Variants in ZNF778 observed in about 807,000 individuals in gnomAD.
The protein encoded by ZNF778 is zinc finger protein 778.
A neutral mutation model predicts 23.9 loss-of-function variants in ZNF778; 37 were observed. The observed-to-expected ratio is 1.54, with a 90% CI of 1.19 to 2.03. ZNF778 has a LOEUF of 2.03. ZNF778 is among the 30% of genes most tolerant of loss of function. The probability of loss-of-function intolerance (pLI) is 0.00; values close to 1 mark genes in which losing one functional copy is unlikely to be tolerated. For missense variants in ZNF778, 1,297 were observed against 934.4 expected, an observed-to-expected ratio of 1.39 and a Z score of -5.06; for synonymous variants, 483 against 343.9, an observed-to-expected ratio of 1.40 and a Z score of -4.48.
At chr16:89,223,553 C>T (rs908718702) in intron 4 of ZNF778, among the ~76,000 whole-genome samples, 1 of 152,192 alleles carries the variant, frequency 6.6e-6, no homozygotes, top group Admixed American at 6.5e-5. Context: ...CCTGTCATCT[C>T]TCCTGTAACA....
intron 6 of ZNF778, among the ~76,000 whole-genome samples, chr16:89,226,169 C>G (rs925429929): frequency 4.6e-5 from 7 of 151,984 alleles, no homozygotes; most frequent in Non-Finnish European, 8.8e-5. Context: ...CTCAGCCTCC[C>G]AAAGTACTGG....
chr16:89,224,914 A>C, intron 5 of ZNF778, 112 bp downstream of exon 5: 1 of 757,886 alleles, frequency 1.3e-6, no homozygotes, highest in Non-Finnish European at 2.2e-6. Context: ...CGGCTGTGGG[A>C]GGATCCTGAG....
At position 89,224,603 on chromosome 16, in the gene ZNF778, C is replaced by G. The variant is rs543006751; in HGVS notation, c.245-116C>G. On this transcript the variant is annotated intron_variant, in intron 4 of 6. Coordinates refer to ENST00000433976, the MANE Select transcript of ZNF778 (RefSeq NM_001201407.2). ...CACTGCACTCCAGCCTGGGCAACAGCGCGAGACGCTGTCTCAAAAAATAAT... is the reference window on the plus strand; with the variant it reads ...CACTGCACTCCAGCCTGGGCAACAGGGCGAGACGCTGTCTCAAAAAATAAT... The G allele has an allele frequency of 4.1e-6, 3 of 723,410 alleles. 1 individual carries two copies. The African/African-American group carries it at 5.2e-5, about 13-fold the overall frequency. 44.8% of individuals were successfully genotyped at this position (723,410 alleles called of 1,614,324 possible).
Position 89,231,457 on chromosome 16 carries a change from C to G in ZNF778, c.*2895C>G, listed in dbSNP as rs1372829603. 1 of 152,224 alleles carries G rather than the reference C, an allele frequency of 6.6e-6. No homozygotes were observed. The highest frequency in any genetic ancestry group is 2.4e-5 in the African/African-American group (1 of 41,430). The allele number at this position is 152,224 out of a possible 1,614,324, so 9.4% of individuals were successfully genotyped here. On this transcript the variant is annotated 3_prime_UTR_variant, in exon 7 of 7. Transcript: ENST00000433976. ...GTGGAGACATCACCCCAGCACAGAC[C>G]TCAATTAAGACGACTACCCCTCCGA... is the stretch of plus-strand genomic sequence containing the variant.
In ZNF778 at chr16:89,229,887, G is replaced by A. The variant is rs1377041388; in HGVS notation, c.*1325G>A. 3 of 981,784 alleles carry A rather than the reference G, an allele frequency of 3.1e-6. No homozygotes were observed. Among genetic ancestry groups the A allele is most frequent in the African/African-American group, 1.8e-5 (1 of 56,576 alleles). The allele number at this position is 981,784 out of a possible 1,614,324, so 60.8% of individuals were successfully genotyped here. A position where few individuals can be genotyped will look rare whatever the true frequency, so the allele number is the denominator to read the frequency against. On this transcript the variant is annotated 3_prime_UTR_variant, in exon 7 of 7. Transcript: ENST00000433976. ...GTCTTGAGGATCCAGATGTGATCCT[G>A]TGTGAGCAGCGTAGGCTCTGGTTGG...
Position 89,222,109 on chromosome 16 carries a change from G to A in ZNF778, c.43G>A (p.Asp15Asn). Residue 15 changes from aspartate to asparagine, a missense_variant, in exon 3 of 7, where the codon GAC (aspartate) becomes AAC (asparagine). Physicochemically the swap from Asp to Asn is conservative, Grantham distance 23. Transcript: ENST00000433976. ...DLAHGGHVSR[D>N]SVCLHEEQTQ... Reference sequence around the variant, plus strand: ...TTTTTTAGGAGGTCATGTTTCTAGGGACTCAGTCTGCCTTCATGAAGAACA... The same window carrying A: ...TTTTTTAGGAGGTCATGTTTCTAGGAACTCAGTCTGCCTTCATGAAGAACA... 1.2e-6 allele frequency: 2 copies of A among 1,600,008 alleles called. No individual in the cohort carries two copies. Among genetic ancestry groups the A allele is most frequent in the South Asian group, 1.1e-5 (1 of 89,722 alleles).
rs1567516696 is a variant in ZNF778 at position 89,233,738 on chromosome 16, C to CGT, written c.*5176_*5177insGT. The stretch of plus-strand genomic sequence containing the variant: ...TGCGTATGCAACTCAACTCGCACTG[C>CGT]ATATGCAACTCAACTCGCACTGCGT... On this transcript the variant is annotated 3_prime_UTR_variant, in exon 7 of 7. Coordinates refer to ENST00000433976, the MANE Select transcript of ZNF778 (RefSeq NM_001201407.2). 2.8e-3 allele frequency: 2,846 copies of CGT among 1,030,226 alleles called. 807 individuals are homozygous for CGT. Among genetic ancestry groups the CGT allele is most frequent in the South Asian group, 3.8e-3 (188 of 49,856 alleles). 63.8% of individuals were successfully genotyped at this position (1,030,226 alleles called of 1,614,324 possible). A position where few individuals can be genotyped will look rare whatever the true frequency, so the allele number is the denominator to read the frequency against.
At position 89,234,147 on chromosome 16, in the gene ZNF778, C is replaced by A. The variant is rs968299814; in HGVS notation, c.*5585C>A. 3.6e-5 allele frequency: 16 copies of A among 442,998 alleles called. No individual in the cohort carries two copies. The highest frequency in any genetic ancestry group is 6.6e-5 in the Non-Finnish European group (15 of 228,156). 27.4% of individuals were successfully genotyped at this position (442,998 alleles called of 1,614,324 possible). A position where few individuals can be genotyped will look rare whatever the true frequency, so the allele number is the denominator to read the frequency against. ...AGTGATAAACTTTCCATGTCAGGAA[C>A]CTGTGTGTGTCACTCACTCACCTTG... On this transcript the variant is annotated 3_prime_UTR_variant, in exon 7 of 7. Coordinates refer to ENST00000433976, the MANE Select transcript of ZNF778 (RefSeq NM_001201407.2).
At position 89,233,540 on chromosome 16, in the gene ZNF778, C is replaced by T. The variant is rs999054953; in HGVS notation, c.*4978C>T. ...TGCAACTCAACTCGCACTGCGTATG[C>T]AAATCAACTCACTGCATATGCAACT... On this transcript the variant is annotated 3_prime_UTR_variant, in exon 7 of 7. Transcript: ENST00000433976. 17 of 1,285,600 alleles carry T rather than the reference C, an allele frequency of 1.3e-5. No individual in the cohort carries two copies. The highest frequency in any genetic ancestry group is 1.5e-5 in the African/African-American group (1 of 64,556). 79.6% of individuals were successfully genotyped at this position (1,285,600 alleles called of 1,614,324 possible). A position where few individuals can be genotyped will look rare whatever the true frequency, so the allele number is the denominator to read the frequency against.
At chr16:89,224,870 T>A in intron 5 of ZNF778, 68 bp downstream of exon 5, 2 of 1,126,782 alleles carry the variant, frequency 1.8e-6, no homozygotes, top group Middle Eastern at 2.6e-4. Flanking sequence ...GAGTGTCAAG[T>A]TTAGCGGCTA....
Position 89,228,642 on chromosome 16 carries a change from T to C in ZNF778, c.*80T>C. ...AGACCTCTCGTTCTCCAGATGTCCATGACTTGAGGAATGTGGCTAGGCAAT... is the reference window on the plus strand; with the variant it reads ...AGACCTCTCGTTCTCCAGATGTCCACGACTTGAGGAATGTGGCTAGGCAAT... On this transcript the variant is annotated 3_prime_UTR_variant, in exon 7 of 7. Coordinates refer to ENST00000433976, the MANE Select transcript of ZNF778 (RefSeq NM_001201407.2). 6.6e-7 allele frequency: 1 copy of C among 1,515,822 alleles called. No homozygotes were observed. The highest frequency in any genetic ancestry group is 1.4e-5 in the South Asian group (1 of 72,242). The allele number at this position is 1,515,822 out of a possible 1,614,324, so 93.9% of individuals were successfully genotyped here. A position where few individuals can be genotyped will look rare whatever the true frequency, so the allele number is the denominator to read the frequency against.
chr16:89,225,261 G>A (rs887383004), intron 5 of ZNF778, among the ~76,000 whole-genome samples: 3 of 151,644 alleles, frequency 2.0e-5, no homozygotes, highest in African/African-American at 7.3e-5. Context: ...GATTACAGGT[G>A]CGTGCTGCCA....
Position 89,227,585 on chromosome 16 carries a change from C to G in ZNF778, c.1297C>G (p.Arg433Gly). 1 of 1,614,070 alleles carries G rather than the reference C, an allele frequency of 6.2e-7. No individual in the cohort carries two copies. The highest frequency in any genetic ancestry group is 8.5e-7 in the Non-Finnish European group (1 of 1,180,010). Reference sequence around the variant, plus strand: ...CTACTGTGGGAAGGCCTTCACTGTGCGCTGTGGCCTTACTAGACACGTACG... The same window carrying G: ...CTACTGTGGGAAGGCCTTCACTGTGGGCTGTGGCCTTACTAGACACGTACG... ...CSYCGKAFTV[R>G]CGLTRHVRTH... is the part of the protein sequence containing the mutation. Residue 433 changes from arginine to glycine, a missense_variant, in exon 7 of 7, where the codon CGC becomes GGC. By Grantham distance (125) the Arg-to-Gly change is moderately radical (BLOSUM62 -2). Transcript: ENST00000433976.
In ZNF778 at chr16:89,228,173, T is replaced by C. The variant is rs1567507877; in HGVS notation, c.1885T>C (p.Ser629Pro). Reference sequence around the variant, plus strand: ...AGTATGCGGAAAGGCCTTCACCACATCCTCACACCTTATCGTGCACATAAG... The same window carrying C: ...AGTATGCGGAAAGGCCTTCACCACACCCTCACACCTTATCGTGCACATAAG... ...CKVCGKAFTT[S>P]SHLIVHIRTH... Residue 629 changes from serine (S) to proline (P), a missense_variant, in exon 7 of 7, where the codon TCC becomes CCC. Ser to Pro is a moderately conservative substitution (Grantham distance 74). Transcript: ENST00000433976. 2.5e-6 allele frequency: 4 copies of C among 1,613,028 alleles called. No homozygotes were observed. The highest frequency in any genetic ancestry group is 3.4e-6 in the Non-Finnish European group (4 of 1,179,474).
intron 1 of ZNF778, among the ~76,000 whole-genome samples, chr16:89,219,913 T>C (rs1215651123): frequency 6.6e-6 from 1 of 152,250 alleles, no homozygotes; most frequent in Non-Finnish European, 1.5e-5. Context: ...CTTTATGTAA[T>C]CCAGACTGCT....
At chr16:89,220,690 C>G (rs995510727) in intron 1 of ZNF778, among the ~76,000 whole-genome samples, 1 of 152,130 alleles carries the variant, frequency 6.6e-6, no homozygotes, top group African/African-American at 2.4e-5. Flanking sequence ...GATGGTCGAA[C>G]ATGTACCAGC....
chr16:89,220,426 G>C (rs563524928), intron 1 of ZNF778, among the ~76,000 whole-genome samples: 97 of 152,276 alleles, frequency 6.4e-4, no homozygotes, highest in African/African-American at 2.3e-3. Context: ...GGGAGGCCGA[G>C]GTGGGCGGAT....
At chr16:89,222,425 C>A (rs564575089) in intron 3 of ZNF778, among the ~76,000 whole-genome samples, 19 of 152,222 alleles carry the variant, frequency 1.2e-4, no homozygotes, top group South Asian at 1.2e-3. Context: ...GAGCAATGGC[C>A]CAATCTCGGC....
At position 89,233,804 on chromosome 16, in the gene ZNF778, C is replaced by G. The variant is rs1289686091; in HGVS notation, c.*5242C>G. ...CACTGCGTATGCAACTCAGCTCGCACTGCGTATGCAACTCAACTGTTGCAA... is the reference window on the plus strand; with the variant it reads ...CACTGCGTATGCAACTCAGCTCGCAGTGCGTATGCAACTCAACTGTTGCAA... On this transcript the variant is annotated 3_prime_UTR_variant, in exon 7 of 7. Coordinates refer to ENST00000433976, the MANE Select transcript of ZNF778 (RefSeq NM_001201407.2). 9.3e-6 allele frequency: 12 copies of G among 1,291,466 alleles called. No homozygotes were observed. The highest frequency in any genetic ancestry group is 1.2e-5 in the Non-Finnish European group (12 of 990,152). The allele number at this position is 1,291,466 out of a possible 1,614,324, so 80.0% of individuals were successfully genotyped here. A position where few individuals can be genotyped will look rare whatever the true frequency, so the allele number is the denominator to read the frequency against.
Sources: allele counts gnomAD v4.1 joint callset (sites outside exome capture counted in the v4.1 genomes callset), GRCh38; gene constraint gnomAD v4.1.1; transcripts MANE v1.5; gene names NCBI Gene and HGNC (gene_info 2026-07-23, HGNC 2026-07-21).